Variants in ALG13 observed in about 807,000 individuals in gnomAD.
ALG13 encodes the protein UDP-N-acetylglucosamine transferase subunit ALG13.
Under a neutral mutation model 87.8 loss-of-function variants are expected in ALG13, and 11 were observed. The observed-to-expected ratio is 0.13, with a 90% CI of 0.08 to 0.21. The LOEUF (loss-of-function observed/expected upper bound fraction) is 0.21. ALG13 is among the 10% of genes least tolerant of loss of function. ALG13 has a pLI of 1.00. For missense variants in ALG13, 756 were observed against 866.1 expected, an observed-to-expected ratio of 0.87 and a Z score of 1.60; for synonymous variants, 320 against 306.3, an observed-to-expected ratio of 1.04 and a Z score of -0.47.
At chrX:111,717,950 G>A (rs1021947750) in intron 9 of ALG13, 23 bp downstream of exon 9, 1 of 1,176,204 alleles carries the variant, frequency 8.5e-7, no homozygotes, top group Admixed American at 2.2e-5. Flanking sequence ...TTTATAAATT[G>A]TGGGTGTGAT....
At chrX:111,694,380 A>C (rs779256486) in intron 3 of ALG13, among the ~76,000 whole-genome samples, 1 of 112,376 alleles carries the variant, frequency 8.9e-6, no homozygotes, top group Admixed American at 9.4e-5. Context: ...ACACAAATTC[A>C]ATACTTTTTT....
At position 111,736,819 on chromosome X, in the gene ALG13, G is replaced by C. The variant is rs2148332060; in HGVS notation, c.2635G>C (p.Val879Leu). ...AANQAISTTS[V>L]SSQNAIQPLF... is the part of the protein sequence containing the mutation. ...TAATCAAGCTATTAGTACCACTTCA[G>C]TTTCCTCACAGAATGCTATACAGCC... The change falls in exon 23 of 27, where the codon GTT becomes CTT. Residue 879 changes from valine (V) to leucine (L), a missense_variant. Val to Leu is a conservative substitution (Grantham distance 32). Around this residue, in one of 9 missense-constraint regions of ALG13, gnomAD observed 362 missense variants for 383.5 expected, o/e 0.94. Transcript: ENST00000394780. 1 of 1,210,792 alleles carries C rather than the reference G, an allele frequency of 8.3e-7. No individual in the cohort carries two copies. The highest frequency in any genetic ancestry group is 1.1e-6 in the Non-Finnish European group (1 of 894,978).
chrX:111,744,985 T>C, intron 24 of ALG13, 81 bp downstream of exon 24: 3 of 844,948 alleles, frequency 3.6e-6, no homozygotes, highest in Non-Finnish European at 5.2e-6. Context: ...GGTTGACCTA[T>C]TGGGGAATGG....
At chrX:111,721,023 GATTT>G (rs1941343228) in intron 11 of ALG13, among the ~76,000 whole-genome samples, 2 of 100,839 alleles carry the variant, frequency 2.0e-5, no homozygotes, top group African/African-American at 3.6e-5. Context: ...TTTATTGTGC[GATTT>G]ATTTCTTGTT....
chrX:111,696,334 A>C (rs1936962021), intron 3 of ALG13, among the ~76,000 whole-genome samples: 1 of 111,827 alleles, frequency 8.9e-6, no homozygotes, highest in Non-Finnish European at 1.9e-5. Flanking sequence ...TCACAGAGTA[A>C]TTCCCTACAT....
chrX:111,682,393 G>A (rs1460939514), intron 2 of ALG13, 99 bp downstream of exon 2: 5 of 691,861 alleles, frequency 7.2e-6, no homozygotes, highest in Non-Finnish European at 1.0e-5. Context: ...GTGCGGGCTT[G>A]TTACAAAGGT....
intron 10 of ALG13, 106 bp from the exon 11 acceptor site, chrX:111,719,989 T>G (rs1941201497): frequency 2.0e-6 from 1 of 509,585 alleles, no homozygotes; most frequent in Non-Finnish European, 3.2e-6. Context: ...TGCCTTATTT[T>G]TAGAACTGAG....
At chrX:111,712,793 G>A (rs1470637936) in intron 7 of ALG13, among the ~76,000 whole-genome samples, 1 of 111,859 alleles carries the variant, frequency 8.9e-6, no homozygotes, top group Non-Finnish European at 1.9e-5. Flanking sequence ...ATTCACTTAC[G>A]CATTGTCTGT....
chrX:111,726,693 T>G, intron 15 of ALG13, 116 bp from the exon 16 acceptor site: 1 of 825,932 alleles, frequency 1.2e-6, no homozygotes, highest in Non-Finnish European at 1.7e-6. Context: ...CTATGTTTAT[T>G]TGGTTTGTTC....
At chrX:111,757,512 C>A (rs879007964) in intron 25 of ALG13, 76 bp from the exon 26 acceptor site, 19 of 463,672 alleles carry the variant, frequency 4.1e-5, no homozygotes, top group Non-Finnish European at 5.4e-5. Context: ...TTTTTTTTGT[C>A]TGTGGGGAAC....
At chrX:111,714,328 A>T (rs1425354164) in intron 8 of ALG13, 1 of 110,431 alleles carries the variant, frequency 9.1e-6, no homozygotes, top group Non-Finnish European at 1.9e-5. Context: ...AATTGTGCTA[A>T]AAGCATAAGG....
At chrX:111,754,714 C>T (rs754593958) in intron 25 of ALG13, among the ~76,000 whole-genome samples, 1 of 111,399 alleles carries the variant, frequency 9.0e-6, no homozygotes, top group South Asian at 3.8e-4. Flanking sequence ...ATCCAACTTA[C>T]AAGGGATGTG....
rs1358741065 is a variant in ALG13, at chrX:111,744,781, C to T, written c.2809C>T (p.Pro937Ser). Reference protein sequence around the residue: ...PPPPPPPPPPPPPPPPPPPAL... With the variant: ...PPPPPPPPPPSPPPPPPPPAL... ...ACCACCACCACCACCTCCTCCTCCT[C>T]CTCCTCCTCCTCCTCCTCCTCCTCC... Residue 937 changes from proline (P) to serine (S), a missense_variant, in exon 24 of 27, where the codon CCT becomes TCT. By Grantham distance (74) the Pro-to-Ser change is moderately conservative. Around this residue, in one of 9 missense-constraint regions of ALG13, gnomAD observed 362 missense variants for 383.5 expected, o/e 0.94. Coordinates refer to ENST00000394780, the MANE Select transcript of ALG13 (RefSeq NM_001099922.3). 1 of 1,044,515 alleles carries T rather than the reference C, an allele frequency of 9.6e-7. No individual in the cohort carries two copies. Among genetic ancestry groups the T allele is most frequent in the East Asian group, 3.7e-5 (1 of 27,066 alleles). 86.1% of individuals were successfully genotyped at this position (1,044,515 alleles called of 1,213,427 possible). A position where few individuals can be genotyped will look rare whatever the true frequency, so the allele number is the denominator to read the frequency against.
At position 111,712,485 on chromosome X, in the gene ALG13, A is replaced by G. The variant is rs2148043587; in HGVS notation, c.887A>G (p.Glu296Gly). Residue 296 changes from glutamate to glycine, a missense_variant and splice_region_variant, in exon 7 of 27, where the codon GAA becomes GGA. Physicochemically the swap from Glu to Gly is moderately conservative, Grantham distance 98. Coordinates refer to ENST00000394780, the MANE Select transcript of ALG13 (RefSeq NM_001099922.3). ...KYLERLGDPK[E>G]SAGQLEIRAL... Reference sequence around the variant, plus strand: ...ACTCAATACACTATTTATGTTTAGGAAAGTGCTGGCCAGCTGGAAATAAGA... The same window carrying G: ...ACTCAATACACTATTTATGTTTAGGGAAGTGCTGGCCAGCTGGAAATAAGA... The G allele has an allele frequency of 8.5e-7, 1 of 1,170,850 alleles. No individual in the cohort carries two copies. Among genetic ancestry groups the G allele is most frequent in the Non-Finnish European group, 1.1e-6 (1 of 870,739 alleles).
intron 23 of ALG13, among the ~76,000 whole-genome samples, chrX:111,744,053 A>G (rs898565070): frequency 9.8e-5 from 11 of 111,870 alleles, no homozygotes; most frequent in Non-Finnish European, 1.9e-4. Context: ...TATGTCAAAA[A>G]CTTTTAAATA....
intron 24 of ALG13, among the ~76,000 whole-genome samples, chrX:111,748,968 A>G (rs1944476041): frequency 9.0e-6 from 1 of 110,606 alleles, no homozygotes; most frequent in Non-Finnish European, 1.9e-5. Context: ...CTGTAATGCT[A>G]GTTACTCGGG....
intron 20 of ALG13, 42 bp downstream of exon 20, chrX:111,730,469 A>G (rs1351611052): frequency 8.4e-7 from 1 of 1,194,788 alleles, no homozygotes; most frequent in African/African-American, 1.8e-5. Context: ...ATCATTGTTT[A>G]TAGAATTTCA....
At chrX:111,683,498 T>C (rs999656545) in intron 2 of ALG13, among the ~76,000 whole-genome samples, 3 of 105,636 alleles carry the variant, frequency 2.8e-5, no homozygotes, top group Non-Finnish European at 3.9e-5. Flanking sequence ...CCCCGGCTAA[T>C]TTTTTTTTTC....
At chrX:111,748,013 T>C (rs1944397344) in intron 24 of ALG13, among the ~76,000 whole-genome samples, 1 of 112,192 alleles carries the variant, frequency 8.9e-6, no homozygotes, top group African/African-American at 3.2e-5. Context: ...TGTAATGATA[T>C]CTCATTGTTT....
Sources: allele counts gnomAD v4.1 joint callset (sites outside exome capture counted in the v4.1 genomes callset), GRCh38; gene constraint gnomAD v4.1.1; regional missense constraint gnomAD v4.1.1; transcripts MANE v1.5; gene names NCBI Gene and HGNC (gene_info 2026-07-23, HGNC 2026-07-21).